ULK4: variants seen among roughly 807,000 people sequenced by gnomAD.
ULK4 encodes inactive serine/threonine-protein kinase ULK4.
Under a neutral mutation model 160.6 loss-of-function variants are expected in ULK4, and 133 were observed. That is an observed-to-expected ratio of 0.83 (90% CI 0.72 to 0.96). The LOEUF (loss-of-function observed/expected upper bound fraction) is 0.96. Ranked by LOEUF, ULK4 falls within the 40% of genes least tolerant of loss-of-function variation. The probability of loss-of-function intolerance (pLI) is 0.00; values close to 1 mark genes in which losing one functional copy is unlikely to be tolerated. For synonymous variants in ULK4, 534 were observed against 539.8 expected (o/e 0.99, Z 0.15); for missense variants, 1,580 against 1,499.5 (o/e 1.05, Z -0.89).
chr3:41,462,662 T>C (rs1284706476), intron 33 of ULK4, among the ~76,000 whole-genome samples: 1 of 152,210 alleles, frequency 6.6e-6, no homozygotes, highest in Non-Finnish European at 1.5e-5. Context: ...TATATGTGTC[T>C]ACAAACACAC....
chr3:41,610,749 A>T (rs2032636605), intron 31 of ULK4, among the ~76,000 whole-genome samples: 1 of 152,260 alleles, frequency 6.6e-6, no homozygotes, highest in Non-Finnish European at 1.5e-5. Context: ...AACATTTGCC[A>T]CTGAAATTGC....
intron 32 of ULK4, among the ~76,000 whole-genome samples, chr3:41,560,295 G>A (rs1364208149): frequency 6.6e-6 from 1 of 152,188 alleles, no homozygotes; most frequent in East Asian, 1.9e-4. Flanking sequence ...CTCAAGTAAT[G>A]TGATGCCTCC....
At chr3:41,670,077 A>T (rs750368132) in intron 29 of ULK4, among the ~76,000 whole-genome samples, 1 of 152,222 alleles carries the variant, frequency 6.6e-6, no homozygotes, top group Non-Finnish European at 1.5e-5. Context: ...GAAGGATTTG[A>T]GGAAGGTAAT....
At chr3:41,548,560 C>A (rs1223607392) in intron 32 of ULK4, among the ~76,000 whole-genome samples, 4 of 152,134 alleles carry the variant, frequency 2.6e-5, no homozygotes, top group Non-Finnish European at 4.4e-5. Context: ...ATCATTACCA[C>A]TGCTAGCATC....
At chr3:41,597,140 G>T (rs925082952) in intron 31 of ULK4, among the ~76,000 whole-genome samples, 2 of 152,130 alleles carry the variant, frequency 1.3e-5, no homozygotes, top group Non-Finnish European at 2.9e-5. Flanking sequence ...CAGCACGGAG[G>T]TGACTGGGAG....
chr3:41,594,280 T>C (rs546666688), intron 31 of ULK4, among the ~76,000 whole-genome samples: 1 of 152,260 alleles, frequency 6.6e-6, no homozygotes, highest in South Asian at 2.1e-4. Context: ...CTCATGTCTA[T>C]AATCTCAGCA....
intron 35 of ULK4, among the ~76,000 whole-genome samples, chr3:41,362,557 C>T (rs1430916026): frequency 6.6e-6 from 1 of 152,134 alleles, no homozygotes; most frequent in Non-Finnish European, 1.5e-5. Context: ...GCTTCAAATC[C>T]TGGCTCCACC....
intron 35 of ULK4, among the ~76,000 whole-genome samples, chr3:41,269,531 G>A (rs1296994494): frequency 6.6e-6 from 1 of 152,082 alleles, no homozygotes; most frequent in East Asian, 1.9e-4. Context: ...ATTACAAAAT[G>A]GTGCCATGAG....
At chr3:41,370,002 A>G (rs1479267457) in intron 35 of ULK4, among the ~76,000 whole-genome samples, 2 of 152,152 alleles carry the variant, frequency 1.3e-5, no homozygotes, top group East Asian at 3.9e-4. Flanking sequence ...AAAGAAAAGT[A>G]TATCATGTTA....
In ULK4 at chr3:41,268,203, T is replaced by C. The variant is rs148113799; in HGVS notation, c.3679-18629A>G. 1.1e-3 allele frequency among the ~76,000 whole-genome samples: 161 copies of C among 152,212 alleles called. 1 individual carries two copies. The highest frequency in any genetic ancestry group is 1.7e-3 in the Non-Finnish European group (115 of 68,016). ...ACTCACAATGTCAATAGTGCCGAGGTTGAGAAACCATAGGCTAGACCATCT... is the reference window on the plus strand; with the variant it reads ...ACTCACAATGTCAATAGTGCCGAGGCTGAGAAACCATAGGCTAGACCATCT... On this transcript the variant is annotated intron_variant, in intron 35 of 36. Transcript: ENST00000301831.
Position 41,895,649 on chromosome 3 carries a change from A to T in ULK4, c.1531-85T>A, listed in dbSNP as rs1575904630. ...CACAGAAAATGACAGCAAAGTTAAC[A>T]GCTCAGGACTTTATACAAAGGAAAT... On this transcript the variant is annotated intron_variant, in intron 15 of 36. Transcript: ENST00000301831. 9.0e-6 allele frequency: 7 copies of T among 777,360 alleles called. No homozygotes were observed. In the East Asian group the frequency reaches 1.6e-4, roughly 18 times the overall value. The allele number at this position is 777,360 out of a possible 1,614,324, so 48.2% of individuals were successfully genotyped here.
chr3:41,495,524 A>G (rs1383532866), intron 32 of ULK4, among the ~76,000 whole-genome samples: 1 of 151,582 alleles, frequency 6.6e-6, no homozygotes, highest in Non-Finnish European at 1.5e-5. Context: ...ATGGGCAAGG[A>G]CTTCATGTCT....
At chr3:41,820,372 T>C (rs1559578556) in intron 18 of ULK4, among the ~76,000 whole-genome samples, 1 of 152,140 alleles carries the variant, frequency 6.6e-6, no homozygotes, top group Non-Finnish European at 1.5e-5. Flanking sequence ...CATATATTCA[T>C]CGTAGCACTA....
rs532254992 is a variant in ULK4, at chr3:41,884,254, A to G, written c.1578-302T>C. On this transcript the variant is annotated intron_variant, in intron 16 of 36. Transcript: ENST00000301831. ...TTTTAAAAATCTTTAACCAGAGAAA[A>G]GAGCAAAACAGTAATTAATCCTTTT... Among the ~76,000 whole-genome samples, 20 of 152,344 alleles carry G rather than the reference A, an allele frequency of 1.3e-4. No individual in the cohort carries two copies. The South Asian group carries it at 3.7e-3, about 28-fold the overall frequency.
chr3:41,869,596 T>C (rs1559619828), intron 17 of ULK4, among the ~76,000 whole-genome samples: 1 of 151,988 alleles, frequency 6.6e-6, no homozygotes, highest in Non-Finnish European at 1.5e-5. Flanking sequence ...CACTCACATA[T>C]ACAATATATA....
rs753286151 is a variant in ULK4 at position 41,931,993 on chromosome 3, C to G, written c.392G>C (p.Gly131Ala). 2.2e-5 allele frequency: 35 copies of G among 1,613,666 alleles called. No individual in the cohort carries two copies. In the South Asian group the frequency reaches 3.6e-4, roughly 17 times the overall value. The change falls in exon 5 of 37, where the codon GGG becomes GCG. Residue 131 changes from glycine (G) to alanine (A), a missense_variant. Physicochemically the swap from Gly to Ala is moderately conservative, Grantham distance 60. Transcript: ENST00000301831. ...GTTGCTAAACTTCAGTGTGCCAGGC[C>G]CTTCCAAGAGTATCTATGAAGATCA... ...DISPRKILLE[G>A]PGTLKFSNFC...
At chr3:41,358,272 T>C (rs1398539148) in intron 35 of ULK4, among the ~76,000 whole-genome samples, 1 of 152,176 alleles carries the variant, frequency 6.6e-6, no homozygotes, top group Non-Finnish European at 1.5e-5. Context: ...CCTAGTACAA[T>C]TATAGGTGTT....
intron 5 of ULK4, among the ~76,000 whole-genome samples, chr3:41,921,229 T>C (rs1699169759): frequency 6.6e-6 from 1 of 150,770 alleles, no homozygotes; most frequent in African/African-American, 2.4e-5. Context: ...TGAGAATCAC[T>C]TGAACCTAGT....
chr3:41,908,626 A>T (rs1334072346), intron 11 of ULK4, among the ~76,000 whole-genome samples: 2 of 151,560 alleles, frequency 1.3e-5, no homozygotes, highest in Non-Finnish European at 2.9e-5. Flanking sequence ...TTGTATTTTT[A>T]GTAGAGACAG....
Sources: gnomAD v4.1 joint callset for allele counts (sites outside exome capture counted in the v4.1 genomes callset) on GRCh38, gnomAD v4.1.1 for gene constraint, MANE v1.5 for transcripts, NCBI Gene and HGNC (gene_info 2026-07-23, HGNC 2026-07-21) for gene names.